GRID1: variants seen among roughly 807,000 people sequenced by gnomAD.
The protein encoded by GRID1 is glutamate ionotropic receptor delta type subunit 1, also known as glutamate receptor ionotropic, delta-1.
In GRID1, 28 loss-of-function variants were observed where a neutral mutation model predicts 98.0. That is an observed-to-expected ratio of 0.29 (90% confidence interval 0.21 to 0.39). The LOEUF (loss-of-function observed/expected upper bound fraction) is 0.39, where lower values mean the gene tolerates loss of function less well. Among genes scored for constraint, GRID1 ranks in the 10% least tolerant of loss-of-function variants. The pLI is 1.00. For synonymous variants in GRID1, 553 were observed against 538.5 expected (o/e 1.03, Z -0.37); for missense variants, 1,111 against 1,340.5 (o/e 0.83, Z 2.67).
Position 85,600,915 on chromosome 10 carries a change from T to A in GRID1, c.*1358A>T, listed in dbSNP as rs1292824082. 1.3e-5 allele frequency: 2 copies of A among 152,362 alleles called. No homozygotes were observed. Among genetic ancestry groups the A allele is most frequent in the Non-Finnish European group, 2.9e-5 (2 of 68,194 alleles). 9.4% of individuals were successfully genotyped at this position (152,362 alleles called of 1,614,324 possible). On this transcript the variant is annotated 3_prime_UTR_variant, in exon 16 of 16. Transcript: ENST00000327946. ...CCCTGCTCTGGGTTGGATTGCTGCT[T>A]GAAGAGGACTCCAGGTCTGGTCTGG...
rs768958618 is a variant in GRID1 at position 85,613,467 on chromosome 10, C to T, written c.2541G>A (p.Leu847=). The T allele has an allele frequency of 1.3e-4, 202 of 1,614,010 alleles. 3 individuals carry two copies. The Middle Eastern group carries it at 2.6e-3, about 21-fold the overall frequency. ...ILAIGLLLAC[L]VAALELWWNS... Reference sequence around the variant, plus strand: ...TCCACCACAACTCCAGGGCAGCCACCAGGCAGGCCAGGAGCAGGCCAATGG... The same window carrying T: ...TCCACCACAACTCCAGGGCAGCCACTAGGCAGGCCAGGAGCAGGCCAATGG... Residue 847 remains leucine, a synonymous_variant, in exon 15 of 16, where the codon CTG becomes CTA. Coordinates refer to ENST00000327946, the MANE Select transcript of GRID1 (RefSeq NM_017551.3).
chr10:86,249,333 C>G (rs1184638380), intron 2 of GRID1, among the ~76,000 whole-genome samples: 1 of 152,204 alleles, frequency 6.6e-6, no homozygotes, highest in Non-Finnish European at 1.5e-5. Context: ...AGGTCACCAT[C>G]AGTCCTACCT....
At chr10:85,639,559 T>A (rs1307712219) in intron 13 of GRID1, among the ~76,000 whole-genome samples, 2 of 152,236 alleles carry the variant, frequency 1.3e-5, no homozygotes, top group Non-Finnish European at 2.9e-5. Context: ...TTACACTTCA[T>A]AAAAGACTAA....
At chr10:85,960,572 T>C (rs1375517096) in intron 4 of GRID1, among the ~76,000 whole-genome samples, 3 of 152,188 alleles carry the variant, frequency 2.0e-5, no homozygotes, top group African/African-American at 7.2e-5. Flanking sequence ...CATGCTAAGG[T>C]AGAGAGAGCA....
intron 3 of GRID1, among the ~76,000 whole-genome samples, chr10:86,193,730 C>A (rs553251696): frequency 6.6e-6 from 1 of 152,150 alleles, no homozygotes; most frequent in African/African-American, 2.4e-5. Flanking sequence ...CTGTCAGAGA[C>A]CTCAGAATCC....
intron 4 of GRID1, among the ~76,000 whole-genome samples, chr10:86,120,610 T>C (rs1223211804): frequency 6.6e-6 from 1 of 152,218 alleles, no homozygotes; most frequent in Non-Finnish European, 1.5e-5. Context: ...AAATTACAAA[T>C]TCTGCTCTTC....
chr10:85,811,370 T>C (rs182932216), intron 8 of GRID1, among the ~76,000 whole-genome samples: 101 of 152,204 alleles, frequency 6.6e-4, no homozygotes, highest in African/African-American at 2.3e-3. Flanking sequence ...AACACAATAA[T>C]TTTGCAGTAA....
At chr10:86,272,488 A>G (rs1257971067) in intron 2 of GRID1, among the ~76,000 whole-genome samples, 1 of 152,198 alleles carries the variant, frequency 6.6e-6, no homozygotes, top group Non-Finnish European at 1.5e-5. Flanking sequence ...TAAGACCTTC[A>G]TCTCTAGTTC....
At chr10:85,634,170 GAAA>G (rs199625656) in intron 13 of GRID1, among the ~76,000 whole-genome samples, 1 of 110,248 alleles carries the variant, frequency 9.1e-6, no homozygotes, top group African/African-American at 3.4e-5. Context: ...AACTCCATCT[GAAA>G]AAAAAAAAAA....
intron 8 of GRID1, among the ~76,000 whole-genome samples, chr10:85,797,815 T>G (rs944169561): frequency 6.6e-6 from 1 of 152,184 alleles, no homozygotes; most frequent in African/African-American, 2.4e-5. Context: ...CACTTATACA[T>G]GAGAATATGC....
chr10:86,223,251 C>G (rs1234909678), intron 2 of GRID1, among the ~76,000 whole-genome samples: 1 of 152,206 alleles, frequency 6.6e-6, no homozygotes, highest in Non-Finnish European at 1.5e-5. Context: ...CAGCCCTGCC[C>G]TGCGCATGGA....
At chr10:85,743,640 A>G (rs1173258042) in intron 8 of GRID1, among the ~76,000 whole-genome samples, 1 of 152,194 alleles carries the variant, frequency 6.6e-6, no homozygotes, top group Non-Finnish European at 1.5e-5. Context: ...GCTGAAAAAG[A>G]AGCTACTTTT....
intron 12 of GRID1, among the ~76,000 whole-genome samples, chr10:85,686,463 T>C (rs530628210): frequency 2.6e-5 from 4 of 152,312 alleles, no homozygotes; most frequent in South Asian, 2.1e-4. Flanking sequence ...CAGTGGTGAA[T>C]AGATAAACAT....
chr10:85,827,340 G>T (rs1237880127), intron 8 of GRID1, among the ~76,000 whole-genome samples: 1 of 151,950 alleles, frequency 6.6e-6, no homozygotes, highest in Admixed American at 6.6e-5. Context: ...ACCATCACAA[G>T]TATCAACAGC....
chr10:86,263,033 C>A (rs1027111652), intron 2 of GRID1, among the ~76,000 whole-genome samples: 7 of 151,058 alleles, frequency 4.6e-5, no homozygotes, highest in African/African-American at 1.5e-4. Context: ...CTTTGTTCTG[C>A]GAGTGAAGGG....
intron 12 of GRID1, among the ~76,000 whole-genome samples, chr10:85,706,195 T>C (rs1262409513): frequency 2.0e-5 from 3 of 152,190 alleles, no homozygotes; most frequent in African/African-American, 4.8e-5. Flanking sequence ...GATGACATGA[T>C]TGTGTATCTA....
At chr10:86,355,295 A>G (rs948204547) in intron 2 of GRID1, among the ~76,000 whole-genome samples, 17 of 152,210 alleles carry the variant, frequency 1.1e-4, no homozygotes. Context: ...CACCCCACGG[A>G]TGCTCCAGTG....
intron 8 of GRID1, among the ~76,000 whole-genome samples, chr10:85,788,318 A>C (rs1259750568): frequency 6.6e-6 from 1 of 152,136 alleles, no homozygotes; most frequent in African/African-American, 2.4e-5. Context: ...GGTTGTCCGC[A>C]GTCCATGCTC....
chr10:85,814,665 T>C (rs1465570285), intron 8 of GRID1, among the ~76,000 whole-genome samples: 1 of 151,970 alleles, frequency 6.6e-6, no homozygotes, highest in Admixed American at 6.6e-5. Flanking sequence ...TCTATGTCTA[T>C]AAATTAAACA....
Sources: allele counts gnomAD v4.1 joint callset (sites outside exome capture counted in the v4.1 genomes callset), GRCh38; gene constraint gnomAD v4.1.1; transcripts MANE v1.5; gene names NCBI Gene and HGNC (gene_info 2026-07-23, HGNC 2026-07-21).